The following ZBTB20 variants were observed in gnomAD, a reference collection of about 807,000 sequenced individuals.
ZBTB20 encodes the protein zinc finger and BTB domain-containing protein 20.
In ZBTB20, 9 loss-of-function variants were observed where a neutral mutation model predicts 56.9. That is an observed-to-expected ratio of 0.16 (90% confidence interval 0.10 to 0.28). ZBTB20 has a LOEUF of 0.28. Among genes scored for constraint, ZBTB20 ranks in the 10% least tolerant of loss-of-function variants. ZBTB20 has a pLI of 1.00. For synonymous variants in ZBTB20, 417 were observed against 420.7 expected (o/e 0.99, Z 0.11); for missense variants, 655 against 1,003.0 (o/e 0.65, Z 4.69).
At chr3:115,052,885 T>C (rs758360864) in intron 2 of ZBTB20, among the ~76,000 whole-genome samples, 4 of 152,200 alleles carry the variant, frequency 2.6e-5, no homozygotes, top group Non-Finnish European at 5.9e-5. Flanking sequence ...TTGAATTGTT[T>C]TTAGTAATAA....
At chr3:114,693,861 G>A (rs1264271529) in intron 5 of ZBTB20, among the ~76,000 whole-genome samples, 1 of 152,044 alleles carries the variant, frequency 6.6e-6, no homozygotes, top group Non-Finnish European at 1.5e-5. Context: ...AACTTGTGTT[G>A]AGAAGGTTAT....
At chr3:114,869,290 C>A (rs1032861546) in intron 4 of ZBTB20, among the ~76,000 whole-genome samples, 10 of 152,102 alleles carry the variant, frequency 6.6e-5, no homozygotes, top group African/African-American at 2.4e-4. Flanking sequence ...CTAATGTAAA[C>A]CCTTAAGATT....
intron 5 of ZBTB20, among the ~76,000 whole-genome samples, chr3:114,778,276 A>AATT (rs1560238994): frequency 1.4e-5 from 1 of 71,190 alleles, no homozygotes; most frequent in Admixed American, 1.9e-4. Flanking sequence ...TAATAATAAT[A>AATT]ATAATACACA....
chr3:114,583,027 GACTTT>G (rs1470076732), intron 6 of ZBTB20, among the ~76,000 whole-genome samples: 2 of 152,220 alleles, frequency 1.3e-5, no homozygotes, highest in African/African-American at 4.8e-5. Context: ...TGCATTGCCA[GACTTT>G]ACTTACATGA....
At chr3:114,979,098 G>A (rs572935789) in intron 2 of ZBTB20, among the ~76,000 whole-genome samples, 2 of 152,070 alleles carry the variant, frequency 1.3e-5, no homozygotes, top group South Asian at 2.1e-4. Flanking sequence ...CAACTACTCA[G>A]AATGGTATCT....
At chr3:114,980,270 T>A (rs1335806812) in intron 2 of ZBTB20, among the ~76,000 whole-genome samples, 2 of 151,974 alleles carry the variant, frequency 1.3e-5, no homozygotes, top group Non-Finnish European at 2.9e-5. Flanking sequence ...CTATAAAAAG[T>A]ACACAATCTA....
At chr3:114,406,070 G>T (rs1443913281) in intron 7 of ZBTB20, among the ~76,000 whole-genome samples, 1 of 150,546 alleles carries the variant, frequency 6.6e-6, no homozygotes, top group Admixed American at 6.6e-5. Flanking sequence ...TTTTAAAATT[G>T]TCTTAACAAA....
chr3:114,535,175 C>T (rs1035600808), intron 6 of ZBTB20, among the ~76,000 whole-genome samples: 2 of 152,024 alleles, frequency 1.3e-5, no homozygotes, highest in Non-Finnish European at 2.9e-5. Context: ...ACATGAAAAA[C>T]CCTTCAAAAA....
At chr3:114,636,650 A>G (rs1431465746) in intron 6 of ZBTB20, among the ~76,000 whole-genome samples, 1 of 152,062 alleles carries the variant, frequency 6.6e-6, no homozygotes. Flanking sequence ...GGTAAATACA[A>G]GAAAAACACC....
At chr3:114,956,722 C>T (rs1284909804) in intron 3 of ZBTB20, among the ~76,000 whole-genome samples, 1 of 152,154 alleles carries the variant, frequency 6.6e-6, no homozygotes, top group Non-Finnish European at 1.5e-5. Context: ...GGGCACTACA[C>T]CAAAACATGC....
chr3:114,461,288 C>T (rs927072705), intron 7 of ZBTB20, among the ~76,000 whole-genome samples: 13 of 149,690 alleles, frequency 8.7e-5, no homozygotes, highest in Non-Finnish European at 1.3e-4. Flanking sequence ...ACAAACAAAA[C>T]AATCTCCTCC....
At position 114,589,449 on chromosome 3, in the gene ZBTB20, A is replaced by C. The variant is rs1356034071; in HGVS notation, c.-294-89058T>G. On this transcript the variant is annotated intron_variant, in intron 6 of 11. Transcript: ENST00000675478. ...TGGATGCAGGTAGTACTGGTGGCAA[A>C]GCATTCTTAATCTCTTTGATTTTCT... is the stretch of plus-strand genomic sequence containing the variant. Among the ~76,000 whole-genome samples the C allele has an allele frequency of 2.0e-5, 3 of 152,190 alleles. No individual in the cohort carries two copies. In the East Asian group the frequency reaches 5.8e-4, roughly 29 times the overall value.
intron 7 of ZBTB20, among the ~76,000 whole-genome samples, chr3:114,468,148 G>T (rs1338760476): frequency 6.6e-6 from 1 of 152,180 alleles, no homozygotes; most frequent in Non-Finnish European, 1.5e-5. Context: ...ACAGAAACTG[G>T]TTCTCTTGCT....
At chr3:114,457,857 T>G (rs1018251472) in intron 7 of ZBTB20, among the ~76,000 whole-genome samples, 17 of 152,200 alleles carry the variant, frequency 1.1e-4, no homozygotes, top group Non-Finnish European at 2.4e-4. Context: ...GCCCGCATTC[T>G]CAGCCATGGT....
At chr3:114,839,338 C>T (rs1051635301) in intron 4 of ZBTB20, among the ~76,000 whole-genome samples, 1 of 150,756 alleles carries the variant, frequency 6.6e-6, no homozygotes, top group African/African-American at 2.4e-5. Flanking sequence ...GAGGTCAAGG[C>T]TGCAGCAAGC....
At chr3:115,038,939 T>C (rs1205128990) in intron 2 of ZBTB20, among the ~76,000 whole-genome samples, 1 of 152,088 alleles carries the variant, frequency 6.6e-6, no homozygotes, top group East Asian at 1.9e-4. Context: ...TTTTTTGCAT[T>C]CTCTCCCTTT....
intron 1 of ZBTB20, among the ~76,000 whole-genome samples, chr3:115,141,946 A>G (rs1478107529): frequency 1.3e-5 from 2 of 152,172 alleles, no homozygotes; most frequent in African/African-American, 2.4e-5. Context: ...TTGAAACTCA[A>G]CTATCTTAGG....
intron 3 of ZBTB20, among the ~76,000 whole-genome samples, chr3:114,966,009 C>T (rs2077634098): frequency 6.6e-6 from 1 of 152,070 alleles, no homozygotes; most frequent in Admixed American, 6.6e-5. Context: ...AAGAGGCAAA[C>T]ATTTCCTTAA....
intron 4 of ZBTB20, among the ~76,000 whole-genome samples, chr3:114,844,735 T>A (rs183215311): frequency 2.2e-4 from 33 of 151,438 alleles, no homozygotes; most frequent in Non-Finnish European, 4.6e-4. Flanking sequence ...ATGCTCAGTC[T>A]TTTAAATGTC....
Sources: gnomAD v4.1 joint callset for allele counts (sites outside exome capture counted in the v4.1 genomes callset) on GRCh38, gnomAD v4.1.1 for gene constraint, MANE v1.5 for transcripts, NCBI Gene and HGNC (gene_info 2026-07-23, HGNC 2026-07-21) for gene names.